The following ATP2C2 variants were observed in gnomAD, a reference collection of about 807,000 sequenced individuals.
ATP2C2 encodes ATPase secretory pathway Ca2+ transporting 2.
A neutral mutation model predicts 110.8 loss-of-function variants in ATP2C2; 171 were observed. The ratio of observed to expected loss-of-function variants is 1.54; its 90% CI spans 1.36 to 1.75. The LOEUF (loss-of-function observed/expected upper bound fraction) is 1.75, where lower values mean the gene tolerates loss of function less well. ATP2C2 is among the 40% of genes most tolerant of loss of function. The probability of loss-of-function intolerance (pLI) is 0.00; values close to 1 mark genes in which losing one functional copy is unlikely to be tolerated. For synonymous variants in ATP2C2, 804 were observed against 508.4 expected (o/e 1.58, Z -7.82); for missense variants, 1,963 against 1,235.0 (o/e 1.59, Z -8.84).
intron 1 of ATP2C2, among the ~76,000 whole-genome samples, chr16:84,379,001 C>T (rs1910416686): frequency 6.6e-6 from 1 of 151,954 alleles, no homozygotes. Flanking sequence ...GTGCAGGGTA[C>T]ACATGCAGGA....
In ATP2C2 at chr16:84,436,964, G is replaced by C. The variant is rs141681039; in HGVS notation, c.987-2202G>C. Among the ~76,000 whole-genome samples the C allele has an allele frequency of 8.8e-4, 134 of 152,064 alleles. 1 individual carries two copies. Among genetic ancestry groups the C allele is most frequent in the Middle Eastern group, 3.4e-3 (1 of 294 alleles). On this transcript the variant is annotated intron_variant, in intron 11 of 26. Transcript: ENST00000262429. ...TTTAGGAGAGACGGGGTTTCTCCATGTTGGCCAGGCTGGTGTCGAACTCCC... is the reference window on the plus strand; with the variant it reads ...TTTAGGAGAGACGGGGTTTCTCCATCTTGGCCAGGCTGGTGTCGAACTCCC...
rs1904593292 is a variant in ATP2C2, at chr16:84,390,577, G to A, written c.100-7922G>A. On this transcript the variant is annotated intron_variant, in intron 1 of 26. Coordinates refer to ENST00000262429, the MANE Select transcript of ATP2C2 (RefSeq NM_014861.4). ...AGATGGATGTGAAGTAGGCGGGACC[G>A]TGACGTCCATAGAGACAGGAAGCAG... Among the ~76,000 whole-genome samples the A allele has an allele frequency of 2.6e-5, 4 of 152,176 alleles. No individual in the cohort carries two copies. In the South Asian group the frequency reaches 8.3e-4, roughly 32 times the overall value.
At chr16:84,422,295 C>G (rs1416795177) in intron 7 of ATP2C2, 95 bp from the exon 8 acceptor site, 3 of 1,415,260 alleles carry the variant, frequency 2.1e-6, no homozygotes, top group Non-Finnish European at 1.9e-6. Context: ...TTCTTGAGTT[C>G]ATGTCCATGA....
chr16:84,377,288 G>A (rs942520195), intron 1 of ATP2C2, among the ~76,000 whole-genome samples: 1 of 152,182 alleles, frequency 6.6e-6, no homozygotes, highest in Admixed American at 6.5e-5. Flanking sequence ...GAGCTGGTGG[G>A]AGCTTTCAAT....
intron 2 of ATP2C2, among the ~76,000 whole-genome samples, chr16:84,400,525 C>G (rs1905254273): frequency 6.6e-6 from 1 of 152,092 alleles, no homozygotes; most frequent in Non-Finnish European, 1.5e-5. Context: ...GACGGGGTTT[C>G]ACCGTGTTAG....
chr16:84,411,692 T>C (rs1354506388), intron 6 of ATP2C2, among the ~76,000 whole-genome samples: 1 of 152,218 alleles, frequency 6.6e-6, no homozygotes, highest in East Asian at 1.9e-4. Flanking sequence ...TCTGCCTGCC[T>C]CAGCCTCCTA....
At chr16:84,412,912 A>C (rs1387557907) in intron 6 of ATP2C2, among the ~76,000 whole-genome samples, 1 of 150,874 alleles carries the variant, frequency 6.6e-6, no homozygotes, top group Non-Finnish European at 1.5e-5. Context: ...CCTGGCCAAC[A>C]TGGTGAAACT....
chr16:84,393,137 TG>T (rs1904759809), intron 1 of ATP2C2, among the ~76,000 whole-genome samples: 1 of 152,108 alleles, frequency 6.6e-6, no homozygotes, highest in Admixed American at 6.5e-5. Context: ...GGTAGAGGGA[TG>T]GGGGCCGTAC....
Position 84,461,968 on chromosome 16 carries a change from G to A in ATP2C2, c.2581-20G>A, listed in dbSNP as rs187359571. 3.2e-5 allele frequency: 52 copies of A among 1,611,924 alleles called. 1 individual carries two copies. The highest frequency in any genetic ancestry group is 1.9e-4 in the African/African-American group (14 of 75,008). ...GGGTGTGGACAGCACACAATCCCCC[G>A]TGTGACCTTCTCCCTGCAGACCAAG... On this transcript the variant is annotated intron_variant, in intron 25 of 26. Transcript: ENST00000262429.
intron 1 of ATP2C2, among the ~76,000 whole-genome samples, chr16:84,373,162 T>G (rs1910055421): frequency 6.7e-6 from 1 of 148,302 alleles, no homozygotes; most frequent in South Asian, 2.2e-4. Context: ...AATTATAAAG[T>G]ACAAATAGAA....
At position 84,442,502 on chromosome 16, in the gene ATP2C2, C is replaced by G. The variant is rs974147592; in HGVS notation, c.1312-8C>G. The G allele has an allele frequency of 2.3e-5, 37 of 1,613,802 alleles. No homozygotes were observed. The highest frequency in any genetic ancestry group is 3.1e-5 in the Non-Finnish European group (36 of 1,179,870). The stretch of plus-strand genomic sequence containing the variant: ...CTAACTACAGATGTCCGGACAATCC[C>G]CTTTTAGGCGGGCTGTGTTGCCAAC... On this transcript the variant is annotated splice_polypyrimidine_tract_variant and splice_region_variant and intron_variant, in intron 14 of 26. Transcript: ENST00000262429.
chr16:84,415,321 TATAGG>T (rs1329670439), intron 6 of ATP2C2, among the ~76,000 whole-genome samples, 157 bp from the exon 7 acceptor site: 2 of 152,184 alleles, frequency 1.3e-5, no homozygotes, highest in African/African-American at 4.8e-5. Context: ...TCTAAAGTCT[TATAGG>T]ATATGTTAAT....
At chr16:84,399,496 G>C (rs926627488) in intron 2 of ATP2C2, among the ~76,000 whole-genome samples, 1 of 152,130 alleles carries the variant, frequency 6.6e-6, no homozygotes, top group Non-Finnish European at 1.5e-5. Flanking sequence ...CTTTTGTTGC[G>C]ACCAGAACAA....
chr16:84,423,066 C>G (rs924457034), intron 9 of ATP2C2, 122 bp from the exon 10 acceptor site: 18 of 769,170 alleles, frequency 2.3e-5, no homozygotes, highest in Non-Finnish European at 3.8e-5. Context: ...TGAATGTTGA[C>G]ATATGTGTAC....
rs73262010 is a variant in ATP2C2, at chr16:84,377,078, A to G, written c.99+8364A>G. Among the ~76,000 whole-genome samples the G allele has an allele frequency of 7.9e-3, 1,202 of 152,328 alleles. 11 individuals carry two copies. The highest frequency in any genetic ancestry group is 0.02 in the Middle Eastern group (6 of 294). On this transcript the variant is annotated intron_variant, in intron 1 of 26. Transcript: ENST00000262429. ...GTGATAAGAACATGGGAAATTTAGT[A>G]GTGGAAGTCGTGTGCTAAGACTGAG...
intron 2 of ATP2C2, among the ~76,000 whole-genome samples, chr16:84,401,894 C>T (rs1022864406): frequency 1.3e-4 from 20 of 151,702 alleles, no homozygotes; most frequent in African/African-American, 9.7e-5. Context: ...AATAGGGATT[C>T]GATTAAATCT....
intron 17 of ATP2C2, among the ~76,000 whole-genome samples, chr16:84,450,632 A>C (rs1188497684): frequency 1.3e-5 from 2 of 152,078 alleles, no homozygotes; most frequent in African/African-American, 4.8e-5. Flanking sequence ...CAGTGTCATG[A>C]CTGTGTAGGA....
intron 4 of ATP2C2, among the ~76,000 whole-genome samples, chr16:84,409,377 C>T (rs572826851): frequency 3.7e-4 from 57 of 152,212 alleles, no homozygotes; most frequent in Non-Finnish European, 6.6e-4. Context: ...TGCAGCAAAC[C>T]AGCGTGGCAT....
chr16:84,396,643 G>C (rs1905000619), intron 1 of ATP2C2, among the ~76,000 whole-genome samples: 1 of 151,752 alleles, frequency 6.6e-6, no homozygotes, highest in Non-Finnish European at 1.5e-5. Flanking sequence ...GTGGGGGATG[G>C]GGGGAGTGCC....
Sources: gnomAD v4.1 joint callset for allele counts (sites outside exome capture counted in the v4.1 genomes callset) on GRCh38, gnomAD v4.1.1 for gene constraint, MANE v1.5 for transcripts, NCBI Gene and HGNC (gene_info 2026-07-23, HGNC 2026-07-21) for gene names.